Variants in XKR4 observed in about 807,000 individuals in gnomAD.
The protein encoded by XKR4 is XK related 4.
A neutral mutation model predicts 53.9 loss-of-function variants in XKR4; 12 were observed. That is an observed-to-expected ratio of 0.22 (90% confidence interval 0.14 to 0.36). The LOEUF is 0.36. Ranked by LOEUF, XKR4 falls within the 10% of genes least tolerant of loss-of-function variation. The pLI is 1.00. For synonymous variants in XKR4, 354 were observed against 362.4 expected, an observed-to-expected ratio of 0.98 and a Z score of 0.26; for missense variants, 799 against 859.5, an observed-to-expected ratio of 0.93 and a Z score of 0.88.
chr8:55,155,873 G>A (rs1025201378), intron 1 of XKR4, among the ~76,000 whole-genome samples: 1 of 152,120 alleles, frequency 6.6e-6, no homozygotes, highest in African/African-American at 2.4e-5. Flanking sequence ...ATTCTGAGGG[G>A]AATATGATTT....
intron 2 of XKR4, among the ~76,000 whole-genome samples, chr8:55,502,208 TG>T (rs1201680429): frequency 6.6e-6 from 1 of 152,150 alleles, no homozygotes; most frequent in Non-Finnish European, 1.5e-5. Flanking sequence ...GCAGAACCCA[TG>T]GGCAAAGAGG....
intron 1 of XKR4, among the ~76,000 whole-genome samples, chr8:55,315,399 G>A (rs1173777525): frequency 6.6e-6 from 1 of 152,202 alleles, no homozygotes; most frequent in African/African-American, 2.4e-5. Flanking sequence ...TGCAAAATAA[G>A]TAAATAAGAT....
intron 1 of XKR4, among the ~76,000 whole-genome samples, chr8:55,301,625 G>A (rs1332299984): frequency 6.6e-6 from 1 of 152,164 alleles, no homozygotes; most frequent in Non-Finnish European, 1.5e-5. Flanking sequence ...GTGTAAAAGT[G>A]TTCCTATTTC....
At chr8:55,401,725 G>A (rs893985417) in intron 2 of XKR4, among the ~76,000 whole-genome samples, 1 of 152,230 alleles carries the variant, frequency 6.6e-6, no homozygotes, top group Non-Finnish European at 1.5e-5. Flanking sequence ...CCATTCACAA[G>A]TGTTTTGTGA....
At chr8:55,289,895 A>AGAAG (rs924524963) in intron 1 of XKR4, among the ~76,000 whole-genome samples, 1 of 104,164 alleles carries the variant, frequency 9.6e-6, no homozygotes, top group African/African-American at 2.8e-5. Flanking sequence ...AAAGAAAGAA[A>AGAAG]GAAAGAAAGA....
At chr8:55,235,620 C>T (rs1818109304) in intron 1 of XKR4, among the ~76,000 whole-genome samples, 1 of 152,102 alleles carries the variant, frequency 6.6e-6, no homozygotes, top group Admixed American at 6.5e-5. Flanking sequence ...TACCTTTCCC[C>T]ACCACACCAA....
intron 1 of XKR4, among the ~76,000 whole-genome samples, chr8:55,343,250 T>C (rs1012522762): frequency 2.6e-5 from 4 of 152,138 alleles, no homozygotes; most frequent in Admixed American, 6.5e-5. Context: ...CTAAAAACAG[T>C]TGAGAGCAAA....
At chr8:55,244,000 T>C (rs1818247987) in intron 1 of XKR4, among the ~76,000 whole-genome samples, 1 of 152,232 alleles carries the variant, frequency 6.6e-6, no homozygotes, top group South Asian at 2.1e-4. Flanking sequence ...CAGTGGCTAC[T>C]TTTGAAAAAA....
chr8:55,457,046 A>G (rs1366810735), intron 2 of XKR4, among the ~76,000 whole-genome samples: 1 of 152,186 alleles, frequency 6.6e-6, no homozygotes, highest in Non-Finnish European at 1.5e-5. Context: ...CTCATCAGAT[A>G]TGGAAAAAAA....
At chr8:55,357,278 T>C (rs1803832727) in intron 1 of XKR4, among the ~76,000 whole-genome samples, 1 of 152,224 alleles carries the variant, frequency 6.6e-6, no homozygotes, top group Non-Finnish European at 1.5e-5. Flanking sequence ...TGCACATATA[T>C]TTTGGTATTT....
chr8:55,117,039 G>T (rs528091074), intron 1 of XKR4, among the ~76,000 whole-genome samples: 1 of 152,074 alleles, frequency 6.6e-6, no homozygotes, highest in Non-Finnish European at 1.5e-5. Flanking sequence ...CTGATTTCAC[G>T]TTGAACCAAT....
chr8:55,392,964 A>C (rs1286607723), intron 2 of XKR4, among the ~76,000 whole-genome samples: 2 of 152,184 alleles, frequency 1.3e-5, no homozygotes, highest in Admixed American at 6.5e-5. Flanking sequence ...CACTGAATGC[A>C]GGGTAACCAA....
chr8:55,200,423 CAT>C (rs1186865534), intron 1 of XKR4, among the ~76,000 whole-genome samples: 1 of 152,174 alleles, frequency 6.6e-6, no homozygotes, highest in Non-Finnish European at 1.5e-5. Flanking sequence ...GGTAGCCAGA[CAT>C]GTGATTACAA....
intron 1 of XKR4, among the ~76,000 whole-genome samples, chr8:55,352,363 T>C (rs1208681085): frequency 1.3e-5 from 2 of 152,158 alleles, no homozygotes; most frequent in Non-Finnish European, 2.9e-5. Context: ...TGTGGGAACA[T>C]AGAATATGGG....
chr8:55,227,514 G>T (rs896182728), intron 1 of XKR4, among the ~76,000 whole-genome samples: 2 of 152,236 alleles, frequency 1.3e-5, no homozygotes, highest in African/African-American at 4.8e-5. Context: ...CCAACCAGTT[G>T]TGTCTGAGTC....
At chr8:55,324,966 G>C (rs1051220654) in intron 1 of XKR4, among the ~76,000 whole-genome samples, 6 of 151,910 alleles carry the variant, frequency 3.9e-5, no homozygotes, top group African/African-American at 1.2e-4. Flanking sequence ...GTCACTGATT[G>C]TTTAATGTAT....
intron 1 of XKR4, among the ~76,000 whole-genome samples, chr8:55,206,883 C>T (rs1049174961): frequency 6.6e-6 from 1 of 152,190 alleles, no homozygotes; most frequent in Non-Finnish European, 1.5e-5. Flanking sequence ...CTTAGAATTA[C>T]AGAGCATTCT....
chr8:55,485,879 A>G (rs1806182833), intron 2 of XKR4, among the ~76,000 whole-genome samples: 1 of 152,176 alleles, frequency 6.6e-6, no homozygotes, highest in East Asian at 1.9e-4. Flanking sequence ...CATAATCTCA[A>G]AAGACTCAAT....
At chr8:55,276,870 G>T (rs1818772420) in intron 1 of XKR4, among the ~76,000 whole-genome samples, 1 of 152,108 alleles carries the variant, frequency 6.6e-6, no homozygotes. Context: ...GAAAGAGAAA[G>T]AACAAAATAA....
Sources: allele counts gnomAD v4.1 joint callset (sites outside exome capture counted in the v4.1 genomes callset), GRCh38; gene constraint gnomAD v4.1.1; transcripts MANE v1.5; gene names NCBI Gene and HGNC (gene_info 2026-07-23, HGNC 2026-07-21).